SCLY: variants seen among roughly 807,000 people sequenced by gnomAD.
The protein encoded by SCLY is selenocysteine lyase.
Under a neutral mutation model 50.1 loss-of-function variants are expected in SCLY, and 38 were observed. That is an observed-to-expected ratio of 0.76 (90% confidence interval 0.59 to 0.99). The LOEUF (loss-of-function observed/expected upper bound fraction) is 0.99, where lower values mean the gene tolerates loss of function less well. SCLY is among the 50% of genes least tolerant of loss of function. The pLI is 0.00. For missense variants in SCLY, 600 were observed against 620.0 expected, an observed-to-expected ratio of 0.97 and a Z score of 0.34; for synonymous variants, 243 against 249.4, an observed-to-expected ratio of 0.97 and a Z score of 0.24.
chr2:238,093,837 C>G, intron 8 of SCLY, 24 bp from the exon 9 acceptor site: 1 of 1,495,494 alleles, frequency 6.7e-7, no homozygotes, highest in Non-Finnish European at 9.2e-7. Context: ...ATTGTGCATC[C>G]ACTTGTTGTG....
intron 8 of SCLY, chr2:238,091,544 GTTCAC>G: frequency 4.4e-5 from 18 of 413,726 alleles, no homozygotes; most frequent in South Asian, 1.5e-4. Flanking sequence ...CAAGCTGCAG[GTTCAC>G]CATTCCCAAA....
chr2:238,090,831 A>T (rs1467933216), intron 7 of SCLY, among the ~76,000 whole-genome samples: 1 of 152,070 alleles, frequency 6.6e-6, no homozygotes, highest in Non-Finnish European at 1.5e-5. Context: ...TTGTTTGCTG[A>T]TGCCTGAAAT....
At chr2:238,088,345 C>T (rs905251323) in intron 7 of SCLY, among the ~76,000 whole-genome samples, 13 of 152,006 alleles carry the variant, frequency 8.6e-5, no homozygotes, top group South Asian at 4.1e-4. Context: ...GCTTGTAATC[C>T]CAGCTACTTG....
chr2:238,091,559 A>ATCTACACTGACTT, intron 8 of SCLY: 1 of 322,626 alleles, frequency 3.1e-6, no homozygotes, highest in Non-Finnish European at 5.9e-6. Context: ...CCATTCCCAA[A>ATCTACACTGACTT]GGCGTCGGCA....
chr2:238,098,757 G>T lies in SCLY; in HGVS notation c.*402G>T, dbSNP rs1473353147. 5.7e-6 allele frequency: 2 copies of T among 348,408 alleles called. No homozygotes were observed. Among genetic ancestry groups the T allele is most frequent in the African/African-American group, 2.2e-5 (1 of 46,224 alleles). 21.6% of individuals were successfully genotyped at this position (348,408 alleles called of 1,614,324 possible). A position where few individuals can be genotyped will look rare whatever the true frequency, so the allele number is the denominator to read the frequency against. On this transcript the variant is annotated 3_prime_UTR_variant, in exon 12 of 12. Transcript: ENST00000254663. Reference sequence around the variant, plus strand: ...CTGTTGTGAGTGCCCTTTCCTGGAAGGTGTTTTTATCTGGAAGATAGAATC... The same window carrying T: ...CTGTTGTGAGTGCCCTTTCCTGGAATGTGTTTTTATCTGGAAGATAGAATC...
rs145281393 is a variant in SCLY at position 238,064,726 on chromosome 2, G to C, written c.202+257G>C. The C allele has an allele frequency of 2.2e-3, 593 of 263,744 alleles. 1 individual carries two copies. Among genetic ancestry groups the C allele is most frequent in the African/African-American group, 0.013 (555 of 43,990 alleles). 16.3% of individuals were successfully genotyped at this position (263,744 alleles called of 1,614,324 possible). On this transcript the variant is annotated intron_variant, in intron 2 of 11. Coordinates refer to ENST00000254663, the MANE Select transcript of SCLY (RefSeq NM_016510.7). The stretch of plus-strand genomic sequence containing the variant: ...CTGTCACCCTTTCCCAGATGAGAAA[G>C]GTGTCTACTGAGAGTTCCTTGAAGT...
chr2:238,080,349 CATCCTGGTTTTTCCTCAGGCTTGGGG>C (rs1420329424), intron 4 of SCLY: 1 of 152,256 alleles, frequency 6.6e-6, no homozygotes, highest in Non-Finnish European at 1.5e-5. Flanking sequence ...TTTACCTGTT[CATCCTGGTTTTTCCTCAGGCTTGGGG>C]ATCCTGGATT....
intron 4 of SCLY, among the ~76,000 whole-genome samples, chr2:238,070,644 C>G (rs1279288283): frequency 6.6e-6 from 1 of 152,028 alleles, no homozygotes; most frequent in Admixed American, 6.6e-5. Flanking sequence ...CCATTGTACT[C>G]CAGCCTGGGA....
At chr2:238,095,908 CTT>C (rs35898194) in intron 10 of SCLY, 11 of 140,064 alleles carry the variant, frequency 7.9e-5, no homozygotes, top group Admixed American at 2.2e-4. Context: ...ACCTGGATAA[CTT>C]TTTTTTTTTT....
chr2:238,091,545 T>A, intron 8 of SCLY: 19 of 343,920 alleles, frequency 5.5e-5, no homozygotes, highest in South Asian at 1.9e-4. Flanking sequence ...AAGCTGCAGG[T>A]TCACCATTCC....
intron 8 of SCLY, 104 bp from the exon 9 acceptor site, chr2:238,093,757 A>T: frequency 9.6e-7 from 1 of 1,045,164 alleles, no homozygotes; most frequent in Non-Finnish European, 1.4e-6. Flanking sequence ...GACTGTCAGG[A>T]GAATGAGCAG....
In SCLY at chr2:238,069,030, C is replaced by T. The variant is rs2065102525; in HGVS notation, c.304-267C>T. On this transcript the variant is annotated intron_variant, in intron 3 of 11. Transcript: ENST00000254663. The surrounding 1 kb of genome is among the most constrained non-coding windows in gnomAD (Gnocchi z 5.0). ...AATTCATAATATTCTATGCATATAA[C>T]CACACTGCACTTATACCAATACATT... Among the ~76,000 whole-genome samples the T allele has an allele frequency of 6.6e-6, 1 of 152,156 alleles. No homozygotes were observed. Among genetic ancestry groups the T allele is most frequent in the Non-Finnish European group, 1.5e-5 (1 of 68,024 alleles).
chr2:238,061,219 G>A, intron 1 of SCLY, 76 bp downstream of exon 1: 3 of 1,147,770 alleles, frequency 2.6e-6, no homozygotes, highest in Non-Finnish European at 3.8e-6. Flanking sequence ...GACGAAGGGG[G>A]CTCCCGGCCT....
intron 10 of SCLY, chr2:238,094,814 G>A (rs191921440): frequency 3.3e-5 from 13 of 396,274 alleles, no homozygotes; most frequent in African/African-American, 2.5e-4. Context: ...AAGCCGTCAG[G>A]GAAGGAAGCA....
rs1203665633 is a variant in SCLY at position 238,067,851 on chromosome 2, TCA to T, written c.203-213_203-212del. Among the ~76,000 whole-genome samples, 1 of 152,148 alleles carries T rather than the reference TCA, an allele frequency of 6.6e-6. No homozygotes were observed. The highest frequency in any genetic ancestry group is 1.5e-5 in the Non-Finnish European group (1 of 68,030). On this transcript the variant is annotated intron_variant, in intron 2 of 11. Transcript: ENST00000254663. This position sits in a 1 kb window ranked among gnomAD's most constrained non-coding sequence, Gnocchi z 4.3. ...CTGGGTCTCATGGAGTTAATAACTC[TCA>T]GTTTGGTCCCTGGTTCGCTGCTGTC...
intron 10 of SCLY, chr2:238,095,606 T>TG (rs1241332626): frequency 6.6e-6 from 1 of 152,224 alleles, no homozygotes; most frequent in African/African-American, 2.4e-5. Flanking sequence ...CAGTGAAGCC[T>TG]GGGTCTCCTT....
intron 7 of SCLY, among the ~76,000 whole-genome samples, chr2:238,084,661 G>A (rs571570524): frequency 1.6e-4 from 24 of 148,726 alleles, no homozygotes; most frequent in South Asian, 6.4e-4. Context: ...TTGGGAGGCC[G>A]AGGCGGGTGG....
At chr2:238,063,258 T>G (rs1157199948) in intron 1 of SCLY, among the ~76,000 whole-genome samples, 1 of 61,096 alleles carries the variant, frequency 1.6e-5, no homozygotes, top group Admixed American at 2.4e-4. Context: ...TTGTTGTTGT[T>G]TTTTTTTTTT....
chr2:238,066,707 C>T lies in SCLY; in HGVS notation c.203-1358C>T, dbSNP rs141172289. On this transcript the variant is annotated intron_variant, in intron 2 of 11. Coordinates refer to ENST00000254663, the MANE Select transcript of SCLY (RefSeq NM_016510.7). The surrounding 1 kb of genome is among the most constrained non-coding windows in gnomAD (Gnocchi z 4.1). Reference sequence around the variant, plus strand: ...AAAAGGGAAAGAGCCCACGCTTTTGCCCTGGGCTGCTGAGGGATGGAGTTG... The same window carrying T: ...AAAAGGGAAAGAGCCCACGCTTTTGTCCTGGGCTGCTGAGGGATGGAGTTG... 0.01 allele frequency among the ~76,000 whole-genome samples: 1,592 copies of T among 152,048 alleles called. 13 individuals are homozygous for T. The highest frequency in any genetic ancestry group is 0.018 in the Non-Finnish European group (1,257 of 67,960).
Sources: allele counts gnomAD v4.1 joint callset (sites outside exome capture counted in the v4.1 genomes callset), GRCh38; gene constraint gnomAD v4.1.1; non-coding constraint Gnocchi (gnomAD v3.1); transcripts MANE v1.5; gene names NCBI Gene and HGNC (gene_info 2026-07-23, HGNC 2026-07-21).